The following VPS13B variants were observed in gnomAD, a reference collection of about 807,000 sequenced individuals.
VPS13B encodes the protein intermembrane lipid transfer protein VPS13B.
VPS13B carries 285 observed loss-of-function variants against 426.4 expected under a neutral mutation model. The ratio of observed to expected loss-of-function variants is 0.67; its 90% confidence interval spans 0.61 to 0.74. VPS13B has a LOEUF of 0.74. VPS13B is among the 30% of genes least tolerant of loss of function. The probability of loss-of-function intolerance (pLI) is 0.00; values close to 1 mark genes in which losing one functional copy is unlikely to be tolerated. For missense variants in VPS13B, 4,537 were observed against 4,782.6 expected, an observed-to-expected ratio of 0.95 and a Z score of 1.51; for synonymous variants, 1,676 against 1,676.4, an observed-to-expected ratio of 1.00 and a Z score of 0.01.
At chr8:99,045,512 C>T (rs1843191013) in intron 3 of VPS13B, among the ~76,000 whole-genome samples, 1 of 152,126 alleles carries the variant, frequency 6.6e-6, no homozygotes, top group Non-Finnish European at 1.5e-5. Context: ...TGTCTGTTTA[C>T]TCTGCTGACT....
intron 15 of VPS13B, among the ~76,000 whole-genome samples, chr8:99,169,731 T>G (rs1372343810): frequency 1.3e-5 from 2 of 152,020 alleles, no homozygotes; most frequent in Non-Finnish European, 2.9e-5. Context: ...AAAATGTATA[T>G]TTTAGCAGAT....
rs1173231579 is a variant in VPS13B, at chr8:99,654,174, T to G, written c.5909-7180T>G. 3.3e-5 allele frequency among the ~76,000 whole-genome samples: 5 copies of G among 152,006 alleles called. No homozygotes were observed. The South Asian group carries it at 8.3e-4, about 25-fold the overall frequency. ...CACCATTCTCCTGCCTCAGCCTCCC[T>G]AGTAGCTGGGACTATAGGCGCCCGC... On this transcript the variant is annotated intron_variant, in intron 34 of 61. Transcript: ENST00000357162.
At chr8:99,331,602 C>T (rs1473621367) in intron 19 of VPS13B, among the ~76,000 whole-genome samples, 2 of 151,532 alleles carry the variant, frequency 1.3e-5, no homozygotes, top group African/African-American at 4.8e-5. Context: ...CTGTAAGGGC[C>T]AGTTGGTTAG....
intron 35 of VPS13B, chr8:99,697,074 T>A (rs1832045006): frequency 3.7e-6 from 2 of 538,854 alleles, no homozygotes; most frequent in African/African-American, 1.9e-5. Flanking sequence ...ATATCGCTAC[T>A]CATCCTGTCC....
intron 21 of VPS13B, among the ~76,000 whole-genome samples, chr8:99,428,928 C>A (rs921639697): frequency 2.2e-4 from 33 of 152,234 alleles, no homozygotes; most frequent in African/African-American, 7.7e-4. Flanking sequence ...GGCACATATA[C>A]ACCATGGAAT....
At chr8:99,384,488 T>C (rs1012275371) in intron 20 of VPS13B, among the ~76,000 whole-genome samples, 171 bp downstream of exon 20, 1 of 152,182 alleles carries the variant, frequency 6.6e-6, no homozygotes, top group African/African-American at 2.4e-5. Flanking sequence ...GTATGAGAAA[T>C]TGCATGTCAG....
At chr8:99,474,183 A>ATTTTTTTTTTTTTTTTCT (rs1819564144) in intron 24 of VPS13B, among the ~76,000 whole-genome samples, 1 of 124,994 alleles carries the variant, frequency 8.0e-6, no homozygotes, top group African/African-American at 3.3e-5. Context: ...CTGTTATCCA[A>ATTTTTTTTTTTTTTTTCT]TTTTTTTTTT....
In VPS13B at chr8:99,545,830, T is replaced by C. The variant is rs75915415; in HGVS notation, c.4746-10620T>C. ...GTACCTAGTATGATTAGATATGCTT[T>C]CTAATGTATGGCAATTGAAGGGCAT... On this transcript the variant is annotated intron_variant, in intron 30 of 61. Coordinates refer to ENST00000357162, the MANE Select transcript of VPS13B (RefSeq NM_152564.5). Among the ~76,000 whole-genome samples the C allele has an allele frequency of 8.1e-4, 124 of 152,244 alleles. 1 individual carries two copies. The East Asian group carries it at 0.01, about 13-fold the overall frequency.
chr8:99,049,945 C>T (rs990575848), intron 3 of VPS13B, among the ~76,000 whole-genome samples: 2 of 151,534 alleles, frequency 1.3e-5, no homozygotes, highest in African/African-American at 4.8e-5. Context: ...CTTTCTTCTG[C>T]TTGTTTGATT....
chr8:99,635,866 A>C (rs1225682479), intron 33 of VPS13B, among the ~76,000 whole-genome samples: 30 of 151,928 alleles, frequency 2.0e-4, no homozygotes, highest in Admixed American at 2.0e-3. Flanking sequence ...ATGTGGTTTT[A>C]TTTACTACTC....
At chr8:99,842,401 G>A (rs1815741971) in intron 54 of VPS13B, among the ~76,000 whole-genome samples, 1 of 151,772 alleles carries the variant, frequency 6.6e-6, no homozygotes, top group South Asian at 2.1e-4. Flanking sequence ...GGGGCCAGGA[G>A]TTTGAGACCC....
At chr8:99,792,404 C>A in intron 43 of VPS13B, among the ~76,000 whole-genome samples, 1 of 151,840 alleles carries the variant, frequency 6.6e-6, no homozygotes, top group South Asian at 2.1e-4. Context: ...AGGGATTTTA[C>A]AGATGTAATT....
At chr8:99,734,451 A>C (rs1833736666) in intron 39 of VPS13B, among the ~76,000 whole-genome samples, 1 of 152,242 alleles carries the variant, frequency 6.6e-6, no homozygotes, top group Non-Finnish European at 1.5e-5. Context: ...TGAAACAAAT[A>C]GATTGGCAAT....
intron 33 of VPS13B, among the ~76,000 whole-genome samples, chr8:99,607,004 G>A (rs1017091993): frequency 6.6e-6 from 1 of 152,054 alleles, no homozygotes; most frequent in Non-Finnish European, 1.5e-5. Flanking sequence ...GGATAATTAA[G>A]GATAATCTCC....
At chr8:99,145,202 G>T (rs1029490615) in intron 13 of VPS13B, among the ~76,000 whole-genome samples, 65 of 152,280 alleles carry the variant, frequency 4.3e-4, no homozygotes, top group African/African-American at 1.3e-3. Context: ...GAAATCATCA[G>T]TAAGTTTTGA....
intron 35 of VPS13B, among the ~76,000 whole-genome samples, chr8:99,670,388 T>C (rs1440218149): frequency 6.6e-6 from 1 of 152,118 alleles, no homozygotes; most frequent in Non-Finnish European, 1.5e-5. Context: ...AGGTGTACAG[T>C]GTGGTGTTTT....
At chr8:99,604,620 C>T (rs1489691562) in intron 33 of VPS13B, among the ~76,000 whole-genome samples, 3 of 151,794 alleles carry the variant, frequency 2.0e-5, no homozygotes, top group African/African-American at 7.3e-5. Flanking sequence ...CTGCCTCAGC[C>T]TCCTGAGTAG....
intron 8 of VPS13B, among the ~76,000 whole-genome samples, chr8:99,128,911 G>A (rs563325468): frequency 4.6e-5 from 7 of 152,132 alleles, no homozygotes; most frequent in African/African-American, 1.4e-4. Flanking sequence ...AGGCTGAGGC[G>A]GGCGGATCAT....
intron 56 of VPS13B, among the ~76,000 whole-genome samples, chr8:99,856,619 T>C (rs1345933607): frequency 6.6e-6 from 1 of 152,184 alleles, no homozygotes; most frequent in African/African-American, 2.4e-5. Flanking sequence ...GGTGGGCGAA[T>C]TGCCTGTGCT....
Sources: allele counts gnomAD v4.1 joint callset (sites outside exome capture counted in the v4.1 genomes callset), GRCh38; gene constraint gnomAD v4.1.1; transcripts MANE v1.5; gene names NCBI Gene and HGNC (gene_info 2026-07-23, HGNC 2026-07-21).